The following CNTN3 variants were observed in gnomAD, a reference collection of about 807,000 sequenced individuals.
The protein encoded by CNTN3 is contactin-3.
A neutral mutation model predicts 119.1 loss-of-function variants in CNTN3; 60 were observed. The ratio of observed to expected loss-of-function variants is 0.50; its 90% confidence interval spans 0.41 to 0.62. The LOEUF (loss-of-function observed/expected upper bound fraction) is 0.62. Among genes scored for constraint, CNTN3 ranks in the 20% least tolerant of loss-of-function variants. CNTN3 has a pLI of 0.00. For missense variants in CNTN3, 1,101 were observed against 1,242.4 expected (o/e 0.89, Z 1.71); for synonymous variants, 450 against 438.7 (o/e 1.03, Z -0.32).
At position 74,331,831 on chromosome 3, in the gene CNTN3, CA is replaced by C. The variant is rs541620712; in HGVS notation, c.1668+2903del. Among the ~76,000 whole-genome samples the C allele has an allele frequency of 3.7e-3, 560 of 152,194 alleles. 2 individuals are homozygous for C. The highest frequency in any genetic ancestry group is 0.013 in the African/African-American group (529 of 41,548). ...TTCTGAATGTATTATTCCAATTGTG[CA>C]AAAATCTGTGACTGGTGTCATCATG... On this transcript the variant is annotated intron_variant, in intron 13 of 22. Transcript: ENST00000263665.
At chr3:74,509,388 C>G (rs759660110) in intron 2 of CNTN3, among the ~76,000 whole-genome samples, 8 of 150,912 alleles carry the variant, frequency 5.3e-5, no homozygotes, top group Non-Finnish European at 1.0e-4. Flanking sequence ...ACCTCCACAT[C>G]CCGAGTTCAA....
intron 11 of CNTN3, among the ~76,000 whole-genome samples, chr3:74,344,867 A>G (rs1232600745): frequency 1.5e-5 from 2 of 135,812 alleles, no homozygotes; most frequent in Non-Finnish European, 3.0e-5. Context: ...ATGTATACGT[A>G]TACACACACA....
At chr3:74,577,993 T>G (rs1191038722) in intron 1 of CNTN3, among the ~76,000 whole-genome samples, 1 of 152,118 alleles carries the variant, frequency 6.6e-6, no homozygotes, top group African/African-American at 2.4e-5. Flanking sequence ...TGTTCTGTAC[T>G]TTTATTGAAA....
chr3:74,424,974 A>G lies in CNTN3; in HGVS notation c.359-34T>C, dbSNP rs187511484. ...AAAACAAAACAAAACTGAATTTTAG[A>G]AAGACCAATTAAATCACAAATTTTA... On this transcript the variant is annotated intron_variant, in intron 4 of 22. Coordinates refer to ENST00000263665, the MANE Select transcript of CNTN3 (RefSeq NM_020872.3). The G allele has an allele frequency of 1.5e-4, 210 of 1,418,908 alleles. No homozygotes were observed. In the African/African-American group the frequency reaches 2.8e-3, roughly 19 times the overall value. The allele number at this position is 1,418,908 out of a possible 1,614,324, so 87.9% of individuals were successfully genotyped here.
chr3:74,394,630 T>C (rs547656362), intron 5 of CNTN3, among the ~76,000 whole-genome samples: 26 of 152,284 alleles, frequency 1.7e-4, no homozygotes, highest in South Asian at 1.2e-3. Flanking sequence ...TAGAGATACA[T>C]AGAATTTTTC....
At chr3:74,290,929 G>A (rs1339822403) in intron 19 of CNTN3, among the ~76,000 whole-genome samples, 2 of 151,062 alleles carry the variant, frequency 1.3e-5, no homozygotes, top group Non-Finnish European at 1.5e-5. Context: ...CTTTAAGTTC[G>A]AGGGTACATG....
intron 5 of CNTN3, among the ~76,000 whole-genome samples, chr3:74,379,010 G>A (rs1704547735): frequency 6.6e-6 from 1 of 152,118 alleles, no homozygotes. Flanking sequence ...AGGTAACAGA[G>A]ATAACACTTA....
intron 4 of CNTN3, among the ~76,000 whole-genome samples, chr3:74,458,025 G>C (rs1291334950): frequency 6.6e-6 from 1 of 151,928 alleles, no homozygotes; most frequent in Non-Finnish European, 1.5e-5. Flanking sequence ...AATAAGACTA[G>C]GCATGAAGCA....
At chr3:74,571,591 A>G (rs1370403909) in intron 1 of CNTN3, among the ~76,000 whole-genome samples, 1 of 152,220 alleles carries the variant, frequency 6.6e-6, no homozygotes, top group African/African-American at 2.4e-5. Context: ...AGCACTTAGC[A>G]AAGTTCTTGT....
chr3:74,578,929 T>C (rs567534406), intron 1 of CNTN3, among the ~76,000 whole-genome samples: 1 of 151,988 alleles, frequency 6.6e-6, no homozygotes, highest in Admixed American at 6.6e-5. Flanking sequence ...ATAACTGCAT[T>C]AAATGTGAAG....
chr3:74,266,697 G>C, intron 21 of CNTN3, 48 bp from the exon 22 acceptor site: 3 of 1,562,456 alleles, frequency 1.9e-6, no homozygotes, highest in Non-Finnish European at 2.6e-6. Context: ...GCCCATTTTT[G>C]TTTTCTTCAT....
intron 4 of CNTN3, among the ~76,000 whole-genome samples, chr3:74,442,725 C>T (rs1701987479): frequency 6.6e-6 from 1 of 152,190 alleles, no homozygotes. Flanking sequence ...TAATAGCTCA[C>T]ATTTAATTGG....
chr3:74,312,134 A>T (rs1221324958), intron 13 of CNTN3, among the ~76,000 whole-genome samples: 2 of 152,114 alleles, frequency 1.3e-5, no homozygotes, highest in Non-Finnish European at 2.9e-5. Context: ...ATTTTGAGAT[A>T]CATTAGAACA....
chr3:74,369,491 C>T (rs920042210), intron 7 of CNTN3, 118 bp from the exon 8 acceptor site: 7 of 667,392 alleles, frequency 1.0e-5, no homozygotes, highest in African/African-American at 9.4e-5. Context: ...AAACCACTTT[C>T]AATGGTCAAT....
intron 11 of CNTN3, among the ~76,000 whole-genome samples, chr3:74,341,280 C>T (rs569145706): frequency 9.2e-5 from 14 of 152,124 alleles, no homozygotes; most frequent in South Asian, 4.1e-4. Flanking sequence ...CAATAACCCA[C>T]GCTTCCCTAC....
chr3:74,521,714 T>TAGG (rs1703546368), intron 1 of CNTN3, among the ~76,000 whole-genome samples: 4 of 151,876 alleles, frequency 2.6e-5, no homozygotes, highest in Non-Finnish European at 5.9e-5. Context: ...GTAAAACAGA[T>TAGG]TTTAAAATGC....
chr3:74,298,004 C>T lies in CNTN3; in HGVS notation c.2354G>A (p.Gly785Asp). The change falls in exon 18 of 23, where the codon GGT (glycine) becomes GAT (aspartate). Residue 785 changes from glycine (G) to aspartate (D), a missense_variant. Coordinates refer to ENST00000263665, the MANE Select transcript of CNTN3 (RefSeq NM_020872.3). ...TGTCACTGGGCTAAATGGTCCTTCA[C>T]CTTTGTTATTATAAACACCCACTTT... Reference protein sequence around the residue: ...EVKVGVYNNKGEGPFSPVTTV... With the variant: ...EVKVGVYNNKDEGPFSPVTTV... 2 of 1,614,044 alleles carry T rather than the reference C, an allele frequency of 1.2e-6. No homozygotes were observed. Among genetic ancestry groups the T allele is most frequent in the Admixed American group, 3.3e-5 (2 of 60,004 alleles).
intron 5 of CNTN3, among the ~76,000 whole-genome samples, chr3:74,412,315 G>T (rs1490357333): frequency 6.6e-6 from 1 of 152,130 alleles, no homozygotes; most frequent in Non-Finnish European, 1.5e-5. Context: ...GAAAAGTAAT[G>T]ATGCAAACTA....
chr3:74,332,317 T>C (rs972308606), intron 13 of CNTN3, among the ~76,000 whole-genome samples: 1 of 152,230 alleles, frequency 6.6e-6, no homozygotes, highest in Non-Finnish European at 1.5e-5. Flanking sequence ...GGTAATGTCA[T>C]CTTGTATGGC....
Sources: allele counts gnomAD v4.1 joint callset (sites outside exome capture counted in the v4.1 genomes callset), GRCh38; gene constraint gnomAD v4.1.1; transcripts MANE v1.5; gene names NCBI Gene and HGNC (gene_info 2026-07-23, HGNC 2026-07-21).